NUP160: variants seen among roughly 807,000 people sequenced by gnomAD.
NUP160 encodes nucleoporin 160.
Under a neutral mutation model 196.9 loss-of-function variants are expected in NUP160, and 94 were observed. The ratio of observed to expected loss-of-function variants is 0.48; its 90% CI spans 0.40 to 0.57. The LOEUF (loss-of-function observed/expected upper bound fraction) is 0.57. Ranked by LOEUF, NUP160 falls within the 20% of genes least tolerant of loss-of-function variation. NUP160 has a pLI of 0.00. For synonymous variants in NUP160, 605 were observed against 619.7 expected, an observed-to-expected ratio of 0.98 and a Z score of 0.35; for missense variants, 1,638 against 1,748.3, an observed-to-expected ratio of 0.94 and a Z score of 1.13.
chr11:47,795,145 C>T (rs1356004794), intron 27 of NUP160, among the ~76,000 whole-genome samples: 1 of 151,994 alleles, frequency 6.6e-6, no homozygotes, highest in African/African-American at 2.4e-5. Flanking sequence ...TTTAGTTGCA[C>T]ATATTCAATA....
chr11:47,837,653 C>A (rs376100425), intron 4 of NUP160, 30 bp from the exon 5 acceptor site: 8 of 1,575,248 alleles, frequency 5.1e-6, no homozygotes, highest in Middle Eastern at 1.7e-4. Context: ...ACCTCTTGAA[C>A]ACACTTAGAG....
chr11:47,788,294 CTGA>C (rs1257712781), exon 31 of NUP160: 1 of 1,614,046 alleles, frequency 6.2e-7, no homozygotes, highest in East Asian at 2.2e-5. Flanking sequence ...ATTTCCTCTG[CTGA>C]TGAACTTCCT....
At chr11:47,785,039 T>C in exon 33 of NUP160, 3 of 1,587,622 alleles carry the variant, frequency 1.9e-6, no homozygotes, top group Non-Finnish European at 2.6e-6. Flanking sequence ...AAGTGGATAA[T>C]AGTCGCCATG....
intron 11 of NUP160, among the ~76,000 whole-genome samples, chr11:47,817,755 A>G (rs1851767180): frequency 6.6e-6 from 1 of 152,218 alleles, no homozygotes; most frequent in Admixed American, 6.5e-5. Flanking sequence ...TCTCAAGTAC[A>G]GAGATTCTAT....
At chr11:47,815,265 A>G (rs1599328433) in intron 13 of NUP160, 2 of 386,090 alleles carry the variant, frequency 5.2e-6, no homozygotes, top group Non-Finnish European at 4.5e-6. Context: ...AAAATACAAA[A>G]AAAGTATAGA....
At chr11:47,801,735 C>T in intron 23 of NUP160, 76 bp downstream of exon 23, 2 of 1,338,612 alleles carry the variant, frequency 1.5e-6, no homozygotes, top group Non-Finnish European at 2.1e-6. Flanking sequence ...TATTTTTCTC[C>T]AAAAATAGCA....
At chr11:47,785,179 C>T in intron 32 of NUP160, 116 bp from the exon 33 acceptor site, 1 of 465,410 alleles carries the variant, frequency 2.1e-6, no homozygotes, top group Non-Finnish European at 3.7e-6. Context: ...CTTGCTCTGT[C>T]ACCCAGGCTA....
rs148971029 is a variant in NUP160 at position 47,834,433 on chromosome 11, G to C, written c.1101+1218C>G. 6.1e-3 allele frequency among the ~76,000 whole-genome samples: 933 copies of C among 152,246 alleles called. 9 individuals are homozygous for C. The highest frequency in any genetic ancestry group is 0.011 in the Non-Finnish European group (767 of 68,004). ...ATAGTTCAAGGGTTGTCCTCCAGAA[G>C]AGAGAATAGAACAATTATGTGCAAT... is the stretch of plus-strand genomic sequence containing the variant. On this transcript the variant is annotated intron_variant, in intron 7 of 35. Transcript: ENST00000378460.
At chr11:47,809,656 G>C (rs1204942966) in intron 17 of NUP160, among the ~76,000 whole-genome samples, 2 of 141,198 alleles carry the variant, frequency 1.4e-5, no homozygotes, top group African/African-American at 2.6e-5. Flanking sequence ...GCTGAGATAT[G>C]AGAATTTCTT....
At chr11:47,784,110 T>G (rs1460805845) in intron 33 of NUP160, among the ~76,000 whole-genome samples, 1 of 152,200 alleles carries the variant, frequency 6.6e-6, no homozygotes, top group Non-Finnish European at 1.5e-5. Flanking sequence ...TCTTTCCTTA[T>G]CCTACTAACG....
At chr11:47,845,899 G>A (rs757079542) in intron 2 of NUP160, among the ~76,000 whole-genome samples, 18 of 152,132 alleles carry the variant, frequency 1.2e-4, no homozygotes, top group African/African-American at 1.7e-4. Context: ...TTGGGAGGCC[G>A]AGAACGGGGC....
intron 27 of NUP160, among the ~76,000 whole-genome samples, chr11:47,795,022 AC>A (rs1448531630): frequency 6.6e-6 from 1 of 151,890 alleles, no homozygotes; most frequent in Non-Finnish European, 1.5e-5. Context: ...AATTGCTTGA[AC>A]CTGGAAGTGG....
chr11:47,807,749 C>T (rs1259124892), intron 18 of NUP160, among the ~76,000 whole-genome samples: 3 of 152,062 alleles, frequency 2.0e-5, no homozygotes, highest in Non-Finnish European at 2.9e-5. Context: ...ACAAGCGTAA[C>T]ATTTTGTGTA....
At chr11:47,830,866 T>TA (rs572384948) in intron 7 of NUP160, among the ~76,000 whole-genome samples, 351 of 145,860 alleles carry the variant, frequency 2.4e-3, no homozygotes, top group Middle Eastern at 0.014. Flanking sequence ...AAACAAAAGT[T>TA]AAAAAAAAAA....
intron 7 of NUP160, among the ~76,000 whole-genome samples, chr11:47,824,470 C>T (rs1016612304): frequency 6.6e-6 from 1 of 151,562 alleles, no homozygotes; most frequent in Non-Finnish European, 1.5e-5. Flanking sequence ...TTTAGCCGGG[C>T]GCAGTGGCAC....
At chr11:47,838,047 A>C (rs1852211195) in intron 4 of NUP160, among the ~76,000 whole-genome samples, 1 of 152,242 alleles carries the variant, frequency 6.6e-6, no homozygotes, top group Non-Finnish European at 1.5e-5. Context: ...CAGTTAAATT[A>C]AGTAGAATGG....
intron 19 of NUP160, 128 bp downstream of exon 19, chr11:47,806,942 T>TA (rs2135369167): frequency 1.6e-6 from 1 of 636,484 alleles, no homozygotes; most frequent in East Asian, 2.8e-5. Flanking sequence ...GGCCACAGCT[T>TA]ACTCATGCCT....
chr11:47,813,278 G>A (rs2097682193), intron 14 of NUP160, 38 bp downstream of exon 14: 2 of 1,395,492 alleles, frequency 1.4e-6, no homozygotes, highest in Non-Finnish European at 2.0e-6. Flanking sequence ...GGTTTATATA[G>A]GAAGGGGATT....
chr11:47,786,398 C>G (rs2097664542), intron 32 of NUP160, 55 bp downstream of exon 32: 7 of 1,056,756 alleles, frequency 6.6e-6, no homozygotes, highest in Non-Finnish European at 1.0e-5. Flanking sequence ...CAGAGAAAGA[C>G]AGTTACAGCT....
Sources: allele counts gnomAD v4.1 joint callset (sites outside exome capture counted in the v4.1 genomes callset), GRCh38; gene constraint gnomAD v4.1.1; transcripts MANE v1.5; gene names NCBI Gene and HGNC (gene_info 2026-07-23, HGNC 2026-07-21).